Variants in ERC1 observed in about 807,000 individuals in gnomAD.
The protein encoded by ERC1 is ELKS/RAB6-interacting/CAST family member 1.
ERC1 carries 56 observed loss-of-function variants against 132.0 expected under a neutral mutation model. The ratio of observed to expected loss-of-function variants is 0.42; its 90% CI spans 0.34 to 0.53. The LOEUF is 0.53. Ranked by LOEUF, ERC1 falls within the 20% of genes least tolerant of loss-of-function variation. The probability of loss-of-function intolerance (pLI) is 0.03; values close to 1 mark genes in which losing one functional copy is unlikely to be tolerated. For synonymous variants in ERC1, 478 were observed against 476.1 expected (o/e 1.00, Z -0.05); for missense variants, 1,202 against 1,349.9 (o/e 0.89, Z 1.72).
chr12:1,220,573 T>C (rs989250547), intron 12 of ERC1, among the ~76,000 whole-genome samples: 2 of 152,226 alleles, frequency 1.3e-5, no homozygotes, highest in Non-Finnish European at 2.9e-5. Context: ...TAACAAGTAA[T>C]TGCTTCCAAA....
chr12:1,464,791 A>T (rs906171761), intron 18 of ERC1, among the ~76,000 whole-genome samples: 2 of 151,948 alleles, frequency 1.3e-5, no homozygotes, highest in African/African-American at 4.8e-5. Context: ...AAGTGCTGGG[A>T]TTACAGGCGT....
intron 18 of ERC1, among the ~76,000 whole-genome samples, chr12:1,473,053 TCTCA>T (rs1365277976): frequency 1.3e-5 from 2 of 151,916 alleles, no homozygotes; most frequent in Non-Finnish European, 2.9e-5. Flanking sequence ...TGAGAAGGAG[TCTCA>T]CTCTGTTGCC....
At chr12:1,311,865 A>G (rs979117997) in intron 15 of ERC1, among the ~76,000 whole-genome samples, 3 of 152,234 alleles carry the variant, frequency 2.0e-5, no homozygotes, top group African/African-American at 7.2e-5. Context: ...GCTGGATGAT[A>G]GGAAATTTGA....
chr12:1,334,633 G>A (rs1336515024), intron 15 of ERC1, among the ~76,000 whole-genome samples: 2 of 152,136 alleles, frequency 1.3e-5, no homozygotes, highest in Non-Finnish European at 2.9e-5. Context: ...GGTTACTGTA[G>A]CCCTGTAGTA....
intron 15 of ERC1, among the ~76,000 whole-genome samples, chr12:1,328,377 C>T (rs1595027019): frequency 1.3e-5 from 2 of 151,626 alleles, no homozygotes; most frequent in Admixed American, 1.3e-4. Context: ...CCCCTGAGCT[C>T]AAGTAGTTCT....
chr12:1,175,241 G>C (rs1477390987), intron 8 of ERC1, among the ~76,000 whole-genome samples: 1 of 152,062 alleles, frequency 6.6e-6, no homozygotes, highest in Non-Finnish European at 1.5e-5. Flanking sequence ...TAAGACATCA[G>C]TGAAGTTTGC....
chr12:1,369,613 C>T (rs1280177727), intron 15 of ERC1, among the ~76,000 whole-genome samples: 1 of 152,128 alleles, frequency 6.6e-6, no homozygotes. Context: ...AACAGATGAC[C>T]GCAGTCAACA....
At position 1,208,957 on chromosome 12, in the gene ERC1, A is replaced by ATTTTTTTT. The variant is rs538961813; in HGVS notation, c.2351+18927_2351+18934dup. 7.3e-4 allele frequency among the ~76,000 whole-genome samples: 52 copies of ATTTTTTTT among 71,634 alleles called. 4 individuals are homozygous for ATTTTTTTT. Among genetic ancestry groups the ATTTTTTTT allele is most frequent in the African/African-American group, 3.0e-3 (48 of 15,972 alleles). The allele number at this position is 71,634 out of a possible 152,430, so 47.0% of individuals were successfully genotyped here. On this transcript the variant is annotated intron_variant, in intron 12 of 18. Coordinates refer to ENST00000360905, the MANE Select transcript of ERC1 (RefSeq NM_178040.4). ...AGGCACTTGCCACCACGCCCAGCTG[A>ATTTTTTTT]TTTTTTTTTTTTTTTTTTTTTTTTT... is the stretch of plus-strand genomic sequence containing the variant.
At chr12:1,378,608 A>G (rs769546964) in intron 16 of ERC1, among the ~76,000 whole-genome samples, 1 of 152,228 alleles carries the variant, frequency 6.6e-6, no homozygotes, top group Non-Finnish European at 1.5e-5. Flanking sequence ...TTAAAGCCAC[A>G]TACATGATGT....
At chr12:1,047,822 A>C (rs963803635) in intron 2 of ERC1, among the ~76,000 whole-genome samples, 28 of 152,190 alleles carry the variant, frequency 1.8e-4, no homozygotes, top group African/African-American at 6.5e-4. Context: ...GTTTAAGACC[A>C]CAGAGAAGAT....
chr12:1,010,480 CAAAA>C (rs71055122), intron 1 of ERC1, among the ~76,000 whole-genome samples: 1 of 93,464 alleles, frequency 1.1e-5, no homozygotes. Context: ...ACTCTGTCTC[CAAAA>C]AAAAAAAAAA....
intron 8 of ERC1, among the ~76,000 whole-genome samples, chr12:1,169,511 T>G (rs892569700): frequency 6.6e-5 from 10 of 152,112 alleles, no homozygotes; most frequent in Non-Finnish European, 5.9e-5. Context: ...TCTCCTCCTA[T>G]CTACTGACTC....
chr12:1,458,699 C>T (rs112845792), intron 18 of ERC1, among the ~76,000 whole-genome samples: 2,542 of 152,110 alleles, frequency 0.017, 68 homozygotes, highest in African/African-American at 0.059. Context: ...CCACCATGCC[C>T]GGCTAATTTT....
At chr12:1,111,402 AG>A (rs1222251262) in intron 5 of ERC1, among the ~76,000 whole-genome samples, 2 of 152,150 alleles carry the variant, frequency 1.3e-5, no homozygotes, top group Non-Finnish European at 2.9e-5. Context: ...TGTATTCTCC[AG>A]GTTCTTAGAA....
chr12:1,483,997 A>G (rs920237230), intron 18 of ERC1, among the ~76,000 whole-genome samples: 4 of 151,370 alleles, frequency 2.6e-5, no homozygotes, highest in Admixed American at 6.6e-5. Context: ...CCCAGCTTCA[A>G]TGAGGTCTTT....
At chr12:1,065,605 G>A (rs1441579195) in intron 2 of ERC1, among the ~76,000 whole-genome samples, 4 of 148,810 alleles carry the variant, frequency 2.7e-5, no homozygotes, top group Non-Finnish European at 3.0e-5. Flanking sequence ...GGGCGGGGGG[G>A]GACGGATTTC....
rs546211150 is a variant in ERC1 at position 1,187,418 on chromosome 12, A to G, written c.2158-2441A>G. ...GATTGTCATTTAGTATTCTTTTATT[A>G]TCTTTATCATTATTATTTTATTTTT... is the stretch of plus-strand genomic sequence containing the variant. On this transcript the variant is annotated intron_variant, in intron 11 of 18. Coordinates refer to ENST00000360905, the MANE Select transcript of ERC1 (RefSeq NM_178040.4). 1.6e-4 allele frequency among the ~76,000 whole-genome samples: 24 copies of G among 151,124 alleles called. 1 individual carries two copies. The South Asian group carries it at 5.0e-3, about 32-fold the overall frequency.
intron 17 of ERC1, among the ~76,000 whole-genome samples, chr12:1,423,994 G>T (rs1002213892): frequency 6.6e-6 from 1 of 152,070 alleles, no homozygotes; most frequent in African/African-American, 2.4e-5. Context: ...TATTTTCTGG[G>T]TGGCAGATTG....
At position 1,402,407 on chromosome 12, in the gene ERC1, G is replaced by C. The variant is rs1004712770; in HGVS notation, c.2926-5742G>C. On this transcript the variant is annotated intron_variant, in intron 16 of 18. Transcript: ENST00000360905. ...TAGCTGGGCATGGTGGCGGGCATCTGTAATCTCAGCTACTCAGGAGGCTGA... is the reference window on the plus strand; with the variant it reads ...TAGCTGGGCATGGTGGCGGGCATCTCTAATCTCAGCTACTCAGGAGGCTGA... 1.2e-4 allele frequency among the ~76,000 whole-genome samples: 19 copies of C among 152,218 alleles called. 1 individual carries two copies. The highest frequency in any genetic ancestry group is 4.3e-4 in the African/African-American group (18 of 41,526).
Sources: allele counts gnomAD v4.1 joint callset (sites outside exome capture counted in the v4.1 genomes callset), GRCh38; gene constraint gnomAD v4.1.1; transcripts MANE v1.5; gene names NCBI Gene and HGNC (gene_info 2026-07-23, HGNC 2026-07-21).